Variants in KIAA1958 observed in about 807,000 individuals in gnomAD.
The protein encoded by KIAA1958 is KIAA1958.
A neutral mutation model predicts 47.2 loss-of-function variants in KIAA1958; 14 were observed. That is an observed-to-expected ratio of 0.30 (90% CI 0.20 to 0.46). KIAA1958 has a LOEUF of 0.46. Ranked by LOEUF, KIAA1958 falls within the 20% of genes least tolerant of loss-of-function variation. The probability of loss-of-function intolerance (pLI) is 1.00; values close to 1 mark genes in which losing one functional copy is unlikely to be tolerated. For missense variants in KIAA1958, 803 were observed against 909.2 expected (o/e 0.88, Z 1.50); for synonymous variants, 354 against 353.3 (o/e 1.00, Z -0.02).
chr9:112,559,565 G>A (rs899310655), intron 1 of KIAA1958, among the ~76,000 whole-genome samples: 5 of 152,180 alleles, frequency 3.3e-5, no homozygotes, highest in African/African-American at 1.2e-4. Context: ...AGTCTGGGGA[G>A]GCACATGTAT....
intron 1 of KIAA1958, among the ~76,000 whole-genome samples, chr9:112,547,233 G>A (rs917378236): frequency 1.6e-4 from 2 of 12,810 alleles, no homozygotes; most frequent in Non-Finnish European, 2.6e-4. Flanking sequence ...CAAAAAATTA[G>A]CTGGGAGTGG....
At chr9:112,610,041 A>C (rs1028529575) in intron 2 of KIAA1958, among the ~76,000 whole-genome samples, 2 of 152,334 alleles carry the variant, frequency 1.3e-5, no homozygotes, top group Non-Finnish European at 2.9e-5. Flanking sequence ...ACAATGAAGC[A>C]AAATTAGACA....
chr9:112,633,504 T>C (rs1378113640), intron 2 of KIAA1958, among the ~76,000 whole-genome samples: 1 of 152,176 alleles, frequency 6.6e-6, no homozygotes, highest in Non-Finnish European at 1.5e-5. Context: ...CAATACTTAT[T>C]GAAGTACTTA....
rs889017521 is a variant in KIAA1958 at position 112,489,247 on chromosome 9, T to A, written c.-25+2129T>A. 4.6e-5 allele frequency among the ~76,000 whole-genome samples: 7 copies of A among 152,226 alleles called. No homozygotes were observed. The South Asian group carries it at 1.4e-3, about 32-fold the overall frequency. On this transcript the variant is annotated intron_variant, in intron 1 of 3. Transcript: ENST00000337530. ...ACTCTTCCTTAGCTCTTTAAAATAT[T>A]TAAAAAAGATAAGCTAACGATTGAA... is the stretch of plus-strand genomic sequence containing the variant.
At position 112,660,193 on chromosome 9, in the gene KIAA1958, G is replaced by A. The variant is rs1242237830; in HGVS notation, c.*124G>A. On this transcript the variant is annotated 3_prime_UTR_variant, in exon 4 of 4. Transcript: ENST00000337530. Reference sequence around the variant, plus strand: ...CCTCCCGGTCTGGCGGCTCTCCCCTGGTGTGGCCTGCCCTCCCTTTGACTT... The same window carrying A: ...CCTCCCGGTCTGGCGGCTCTCCCCTAGTGTGGCCTGCCCTCCCTTTGACTT... 3 of 735,938 alleles carry A rather than the reference G, an allele frequency of 4.1e-6. No homozygotes were observed. In the East Asian group the frequency reaches 7.8e-5, roughly 19 times the overall value. The allele number at this position is 735,938 out of a possible 1,614,324, so 45.6% of individuals were successfully genotyped here.
chr9:112,562,802 G>T (rs1453189762), intron 1 of KIAA1958, among the ~76,000 whole-genome samples: 2 of 151,448 alleles, frequency 1.3e-5, no homozygotes, highest in African/African-American at 4.8e-5. Flanking sequence ...TTTTGTTTTA[G>T]GGGAAGTAGA....
chr9:112,540,538 T>C (rs1834923698), intron 1 of KIAA1958, among the ~76,000 whole-genome samples: 1 of 152,222 alleles, frequency 6.6e-6, no homozygotes, highest in Non-Finnish European at 1.5e-5. Flanking sequence ...TCCACCAGAA[T>C]GTTTTCTGTG....
At chr9:112,644,404 A>C (rs59883077) in intron 2 of KIAA1958, among the ~76,000 whole-genome samples, 4,200 of 152,104 alleles carry the variant, frequency 0.028, 155 homozygotes, top group South Asian at 0.15. Flanking sequence ...TTAATTTTTC[A>C]TTTTGCTGTT....
chr9:112,591,322 G>A (rs953126967), intron 2 of KIAA1958, among the ~76,000 whole-genome samples: 14 of 152,058 alleles, frequency 9.2e-5, no homozygotes, highest in African/African-American at 3.1e-4. Flanking sequence ...CTGACCTCAT[G>A]ATCCGCCCGT....
At chr9:112,564,107 T>G (rs1283807053) in intron 1 of KIAA1958, among the ~76,000 whole-genome samples, 6 of 152,222 alleles carry the variant, frequency 3.9e-5, no homozygotes, top group African/African-American at 1.4e-4. Flanking sequence ...TATATTGGCT[T>G]TGTCAGGTTT....
chr9:112,640,521 G>A (rs966702341), intron 2 of KIAA1958, among the ~76,000 whole-genome samples: 3 of 152,068 alleles, frequency 2.0e-5, no homozygotes, highest in Admixed American at 6.5e-5. Flanking sequence ...TCTCTCAAGC[G>A]CTGGCTGGCT....
chr9:112,563,784 C>T (rs548495345), intron 1 of KIAA1958, among the ~76,000 whole-genome samples: 1 of 152,156 alleles, frequency 6.6e-6, no homozygotes, highest in South Asian at 2.1e-4. Flanking sequence ...AAGAGTGATA[C>T]AGGTGGGCAT....
intron 1 of KIAA1958, among the ~76,000 whole-genome samples, chr9:112,527,936 C>A (rs1489666523): frequency 1.2e-4 from 15 of 124,952 alleles, no homozygotes; most frequent in East Asian, 4.4e-4. Context: ...GACCCTTTCT[C>A]AAAAAAAAAA....
chr9:112,561,698 T>C (rs1835334877), intron 1 of KIAA1958, among the ~76,000 whole-genome samples: 1 of 151,994 alleles, frequency 6.6e-6, no homozygotes, highest in African/African-American at 2.4e-5. Flanking sequence ...CTACTAAAAA[T>C]ACAAAAATTA....
chr9:112,507,771 T>TC (rs1491216947), intron 1 of KIAA1958, among the ~76,000 whole-genome samples: 21 of 150,726 alleles, frequency 1.4e-4, no homozygotes, highest in East Asian at 5.8e-4. Flanking sequence ...TCTCTCTCTC[T>TC]TTCTTTCTTT....
At chr9:112,630,925 CGAG>C (rs775311536) in intron 2 of KIAA1958, among the ~76,000 whole-genome samples, 13 of 152,004 alleles carry the variant, frequency 8.6e-5, no homozygotes, top group Non-Finnish European at 1.8e-4. Context: ...AGTATTTAAA[CGAG>C]GAACTCATCT....
At chr9:112,633,047 C>T (rs1836738896) in intron 2 of KIAA1958, among the ~76,000 whole-genome samples, 1 of 151,982 alleles carries the variant, frequency 6.6e-6, no homozygotes. Context: ...CCATCTTTCC[C>T]CAACAATTTG....
At chr9:112,523,155 A>G (rs1310920987) in intron 1 of KIAA1958, among the ~76,000 whole-genome samples, 1 of 152,160 alleles carries the variant, frequency 6.6e-6, no homozygotes, top group East Asian at 1.9e-4. Context: ...AAGTGGTATT[A>G]CATTCAAATG....
intron 2 of KIAA1958, among the ~76,000 whole-genome samples, chr9:112,585,603 G>A (rs562312214): frequency 6.6e-6 from 1 of 152,162 alleles, no homozygotes; most frequent in Admixed American, 6.5e-5. Flanking sequence ...GGGACAGGAG[G>A]GCTGTTTTAT....
Sources: allele counts gnomAD v4.1 joint callset (sites outside exome capture counted in the v4.1 genomes callset), GRCh38; gene constraint gnomAD v4.1.1; transcripts MANE v1.5; gene names NCBI Gene and HGNC (gene_info 2026-07-23, HGNC 2026-07-21).